Variants in AVEN observed in about 807,000 individuals in gnomAD.
AVEN encodes the protein apoptosis and caspase activation inhibitor.
In AVEN, 41 loss-of-function variants were observed where a neutral mutation model predicts 38.1. The ratio of observed to expected loss-of-function variants is 1.08; its 90% CI spans 0.84 to 1.40. The LOEUF is 1.40. Ranked by LOEUF, AVEN falls within the 40% of genes most tolerant of loss-of-function variation. AVEN has a pLI of 0.00. For synonymous variants in AVEN, 206 were observed against 171.8 expected, an observed-to-expected ratio of 1.20 and a Z score of -1.56; for missense variants, 605 against 438.8, an observed-to-expected ratio of 1.38 and a Z score of -3.38.
chr15:34,062,364 C>G (rs1028139947), intron 5 of AVEN, among the ~76,000 whole-genome samples: 4 of 151,812 alleles, frequency 2.6e-5, no homozygotes, highest in Admixed American at 1.3e-4. Context: ...GACCATCCCG[C>G]CTAACACAGT....
chr15:33,885,569 T>C (rs1265518897), intron 2 of AVEN: 2 of 152,184 alleles, frequency 1.3e-5, no homozygotes, highest in Non-Finnish European at 2.9e-5. Context: ...AAGAGAATAA[T>C]AATAAAAATC....
At chr15:33,862,591 G>A (rs1022995750), downstream of AVEN, among the ~76,000 whole-genome samples, 4 of 152,250 alleles carry the variant, frequency 2.6e-5, no homozygotes, top group Middle Eastern at 3.4e-3. Flanking sequence ...TTTGCTGGGG[G>A]ATGAGTTTAA....
At chr15:33,930,221 G>GCAGAAC (rs1455975122) in intron 2 of AVEN, among the ~76,000 whole-genome samples, 1 of 152,070 alleles carries the variant, frequency 6.6e-6, no homozygotes, top group Non-Finnish European at 1.5e-5. Flanking sequence ...CTAAGAGTGA[G>GCAGAAC]CAGAACCATG....
intron 2 of AVEN, chr15:34,067,599 G>A (rs751897678): frequency 3.3e-5 from 5 of 152,172 alleles, no homozygotes; most frequent in Admixed American, 2.6e-4. Context: ...ATGGATACAC[G>A]TCCTTCTTGC....
At chr15:33,978,345 T>C (rs1413244154) in intron 2 of AVEN, among the ~76,000 whole-genome samples, 8 of 152,092 alleles carry the variant, frequency 5.3e-5, no homozygotes, top group Non-Finnish European at 1.2e-4. Context: ...CATTTAATAA[T>C]TGGAAATAAA....
chr15:34,053,886 T>C (rs973573457), intron 5 of AVEN, among the ~76,000 whole-genome samples: 3 of 151,946 alleles, frequency 2.0e-5, no homozygotes, highest in African/African-American at 4.8e-5. Context: ...TCAGAGTGAA[T>C]AGACAACTTA....
chr15:33,990,060 C>T (rs1896651456), intron 2 of AVEN, among the ~76,000 whole-genome samples: 1 of 151,738 alleles, frequency 6.6e-6, no homozygotes, highest in South Asian at 2.1e-4. Context: ...CAAAATTAGC[C>T]GGGCGTGGTG....
intron 2 of AVEN, among the ~76,000 whole-genome samples, chr15:33,964,830 C>A (rs1895325965): frequency 2.6e-5 from 4 of 152,238 alleles, no homozygotes; most frequent in Admixed American, 1.3e-4. Flanking sequence ...CAAGAAACTG[C>A]AGATTTCATT....
At chr15:33,918,881 C>G (rs1319738264) in intron 2 of AVEN, among the ~76,000 whole-genome samples, 1 of 150,818 alleles carries the variant, frequency 6.6e-6, no homozygotes, top group African/African-American at 2.4e-5. Context: ...CTACTGCCAT[C>G]TGGTCATCAA....
At chr15:33,901,376 A>G (rs750778649) in intron 2 of AVEN, among the ~76,000 whole-genome samples, 1 of 152,228 alleles carries the variant, frequency 6.6e-6, no homozygotes, top group East Asian at 1.9e-4. Context: ...CGACACGTGC[A>G]TACACACGCA....
At chr15:33,895,509 AGAGATGAG>A (rs1892198683) in intron 2 of AVEN, among the ~76,000 whole-genome samples, 1 of 151,948 alleles carries the variant, frequency 6.6e-6, no homozygotes, top group Admixed American at 6.6e-5. Flanking sequence ...TATTTTTTGA[AGAGATGAG>A]GTCTCCCTAT....
chr15:33,961,868 A>G (rs1895203962), intron 2 of AVEN, among the ~76,000 whole-genome samples: 1 of 149,814 alleles, frequency 6.7e-6, no homozygotes, highest in Non-Finnish European at 1.5e-5. Context: ...ATCTGAGGAG[A>G]GTGTGTTCCT....
At chr15:34,068,288 A>G (rs1367972885) in intron 2 of AVEN, among the ~76,000 whole-genome samples, 1 of 149,424 alleles carries the variant, frequency 6.7e-6, no homozygotes, top group Non-Finnish European at 1.5e-5. Context: ...CTGGAGTGGC[A>G]GCTTCGACCT....
chr15:33,852,557 G>C, the AVEN span: 1 of 156,496 alleles, frequency 6.4e-6, no homozygotes, highest in Non-Finnish European at 1.4e-5. Context: ...TAAACTAAAG[G>C]TGATTCCCAG....
chr15:33,892,192 T>C (rs1022002134), intron 2 of AVEN, among the ~76,000 whole-genome samples: 14 of 152,232 alleles, frequency 9.2e-5, no homozygotes, highest in Non-Finnish European at 1.8e-4. Context: ...TTCACTCTGA[T>C]GGTAGTTTCT....
chr15:34,009,128 A>G (rs935277964), intron 1 of AVEN, among the ~76,000 whole-genome samples: 5 of 152,176 alleles, frequency 3.3e-5, no homozygotes, highest in African/African-American at 1.2e-4. Flanking sequence ...AGGAAAAAAA[A>G]TAAACTGTCA....
intron 2 of AVEN, among the ~76,000 whole-genome samples, chr15:33,917,097 T>C (rs759146876): frequency 6.6e-6 from 1 of 152,046 alleles, no homozygotes; most frequent in Non-Finnish European, 1.5e-5. Context: ...GGAACTACAA[T>C]TCAAGATGAG....
chr15:33,910,899 C>T (rs921365077), intron 2 of AVEN, among the ~76,000 whole-genome samples: 19 of 152,144 alleles, frequency 1.2e-4, no homozygotes, highest in Non-Finnish European at 1.9e-4. Flanking sequence ...TTCCCATATA[C>T]AAAATGGACA....
chr15:34,039,743 G>A (rs1899387159), upstream of AVEN, among the ~76,000 whole-genome samples: 1 of 152,144 alleles, frequency 6.6e-6, no homozygotes, highest in African/African-American at 2.4e-5. Flanking sequence ...GACATTTATT[G>A]AGCACATGAG....
Sources: gnomAD v4.1 joint callset for allele counts (sites outside exome capture counted in the v4.1 genomes callset) on GRCh38, gnomAD v4.1.1 for gene constraint, MANE v1.5 for transcripts, NCBI Gene and HGNC (gene_info 2026-07-23, HGNC 2026-07-21) for gene names.